PEX5L: variants seen among roughly 807,000 people sequenced by gnomAD.
PEX5L encodes peroxisomal biogenesis factor 5 like.
PEX5L carries 30 observed loss-of-function variants against 84.0 expected under a neutral mutation model. The ratio of observed to expected loss-of-function variants is 0.36; its 90% CI spans 0.27 to 0.48. The LOEUF (loss-of-function observed/expected upper bound fraction) is 0.48, where lower values mean the gene tolerates loss of function less well. PEX5L is among the 20% of genes least tolerant of loss of function. PEX5L has a pLI of 0.99. For missense variants in PEX5L, 533 were observed against 754.6 expected (o/e 0.71, Z 3.44); for synonymous variants, 270 against 283.1 (o/e 0.95, Z 0.46).
intron 3 of PEX5L, among the ~76,000 whole-genome samples, chr3:179,889,265 C>T (rs114645024): frequency 0.017 from 2,608 of 152,156 alleles, 71 homozygotes; most frequent in African/African-American, 0.06. Context: ...TGGCAGGGGA[C>T]CTGAGTAATG....
chr3:179,988,574 T>A (rs1044910169), intron 1 of PEX5L, among the ~76,000 whole-genome samples: 12 of 152,176 alleles, frequency 7.9e-5, no homozygotes, highest in Admixed American at 1.3e-4. Context: ...TAATATTTCA[T>A]AATAACCAAC....
At chr3:179,839,524 C>T (rs1481576360) in intron 8 of PEX5L, among the ~76,000 whole-genome samples, 4 of 152,116 alleles carry the variant, frequency 2.6e-5, no homozygotes, top group Non-Finnish European at 5.9e-5. Flanking sequence ...TAAATCTTAA[C>T]CAAATGTAGC....
At chr3:179,824,953 G>A (rs1729874467) in intron 8 of PEX5L, among the ~76,000 whole-genome samples, 1 of 152,172 alleles carries the variant, frequency 6.6e-6, no homozygotes, top group Non-Finnish European at 1.5e-5. Context: ...GATTTTATGT[G>A]GCTGCCCAAA....
At chr3:179,876,979 TAC>T (rs1220601815) in intron 5 of PEX5L, among the ~76,000 whole-genome samples, 1 of 152,228 alleles carries the variant, frequency 6.6e-6, no homozygotes, top group East Asian at 1.9e-4. Context: ...TTATGTTTCA[TAC>T]ACACCTTACA....
At chr3:179,891,938 T>C (rs947145489) in intron 3 of PEX5L, among the ~76,000 whole-genome samples, 3 of 152,200 alleles carry the variant, frequency 2.0e-5, no homozygotes, top group Non-Finnish European at 4.4e-5. Context: ...ATAACATTTA[T>C]TCTTTCCTTA....
At chr3:179,864,757 A>G (rs1195297779) in intron 7 of PEX5L, among the ~76,000 whole-genome samples, 1 of 152,202 alleles carries the variant, frequency 6.6e-6, no homozygotes, top group Non-Finnish European at 1.5e-5. Flanking sequence ...TTTACAAAGT[A>G]TATATATTTC....
chr3:179,991,666 A>G (rs1787388566), intron 1 of PEX5L, among the ~76,000 whole-genome samples: 1 of 152,166 alleles, frequency 6.6e-6, no homozygotes, highest in South Asian at 2.1e-4. Flanking sequence ...TTCACCAGCT[A>G]TTCATTCACA....
intron 1 of PEX5L, among the ~76,000 whole-genome samples, chr3:179,980,600 C>T (rs941114428): frequency 5.3e-5 from 8 of 152,088 alleles, no homozygotes; most frequent in Non-Finnish European, 7.4e-5. Context: ...AGAGGGTAGG[C>T]GTGCCTACCA....
At chr3:179,899,518 C>CA (rs1760568745) in intron 2 of PEX5L, among the ~76,000 whole-genome samples, 1 of 151,958 alleles carries the variant, frequency 6.6e-6, no homozygotes, top group Admixed American at 6.6e-5. Context: ...TTCCATGCAA[C>CA]AAAAAGGATA....
intron 2 of PEX5L, among the ~76,000 whole-genome samples, chr3:179,914,676 ATCTCCTTCCCAAACC>A (rs1471818888): frequency 6.6e-6 from 1 of 152,242 alleles, no homozygotes; most frequent in East Asian, 1.9e-4. Flanking sequence ...TGATAAAACC[ATCTCCTTCCCAAACC>A]TCTCCACCAA....
intron 1 of PEX5L, among the ~76,000 whole-genome samples, chr3:179,982,351 G>T (rs1786411247): frequency 6.6e-6 from 1 of 152,124 alleles, no homozygotes; most frequent in South Asian, 2.1e-4. Flanking sequence ...GTTACAGAAT[G>T]GACTTATGTC....
rs1417000814 is a variant in PEX5L, at chr3:179,797,201, A to C, written c.*4627T>G. On this transcript the variant is annotated 3_prime_UTR_variant, in exon 15 of 15. Coordinates refer to ENST00000467460, the MANE Select transcript of PEX5L (RefSeq NM_016559.3). ...TCAACTGGTTTTTGAAAAAGTGTTT[A>C]GATGTCCCAGATTCTTCAGAGGATT... 1 of 152,220 alleles carries C rather than the reference A, an allele frequency of 6.6e-6. No individual in the cohort carries two copies. Among genetic ancestry groups the C allele is most frequent in the Non-Finnish European group, 1.5e-5 (1 of 68,040 alleles). 9.4% of individuals were successfully genotyped at this position (152,220 alleles called of 1,614,324 possible).
At chr3:180,023,024 A>T (rs1298638107) in intron 1 of PEX5L, among the ~76,000 whole-genome samples, 8 of 152,222 alleles carry the variant, frequency 5.3e-5, no homozygotes, top group Non-Finnish European at 1.0e-4. Flanking sequence ...AAATCATTTT[A>T]TCTCCTGTTA....
At chr3:179,846,896 C>A (rs1483634551) in intron 8 of PEX5L, among the ~76,000 whole-genome samples, 1 of 152,102 alleles carries the variant, frequency 6.6e-6, no homozygotes. Flanking sequence ...ACCCCAAACT[C>A]ACCAGAGTCT....
intron 2 of PEX5L, among the ~76,000 whole-genome samples, chr3:179,907,857 C>T (rs563438815): frequency 2.8e-4 from 42 of 152,268 alleles, no homozygotes; most frequent in African/African-American, 9.6e-4. Flanking sequence ...TATTCAGTAG[C>T]CTTCTCTGTG....
At chr3:179,976,332 G>A (rs997365524) in intron 1 of PEX5L, among the ~76,000 whole-genome samples, 5 of 152,234 alleles carry the variant, frequency 3.3e-5, no homozygotes, top group African/African-American at 1.2e-4. Context: ...CAGAAGTGGT[G>A]AAGATGGAAG....
chr3:179,954,203 TC>T (rs1237203964), intron 2 of PEX5L, among the ~76,000 whole-genome samples: 7,480 of 107,602 alleles, frequency 0.07, 338 homozygotes, highest in African/African-American at 0.11. Context: ...TAACCATTAG[TC>T]GGGGGGGGGG....
At chr3:179,866,137 G>C (rs1364272649) in intron 7 of PEX5L, among the ~76,000 whole-genome samples, 1 of 152,174 alleles carries the variant, frequency 6.6e-6, no homozygotes, top group African/African-American at 2.4e-5. Context: ...GGTAAAGAGA[G>C]AGAAGAAAGG....
At chr3:179,995,227 A>AGT (rs1435078959) in intron 1 of PEX5L, among the ~76,000 whole-genome samples, 1 of 148,016 alleles carries the variant, frequency 6.8e-6, no homozygotes, top group African/African-American at 2.5e-5. Flanking sequence ...CTATCTACAT[A>AGT]GTGTGTATAT....
Sources: gnomAD v4.1 joint callset for allele counts (sites outside exome capture counted in the v4.1 genomes callset) on GRCh38, gnomAD v4.1.1 for gene constraint, MANE v1.5 for transcripts, NCBI Gene and HGNC (gene_info 2026-07-23, HGNC 2026-07-21) for gene names.